The following TENM2 variants were observed in gnomAD, a reference collection of about 807,000 sequenced individuals.
TENM2 encodes teneurin transmembrane protein 2.
Under a neutral mutation model 245.2 loss-of-function variants are expected in TENM2, and 52 were observed. That is an observed-to-expected ratio of 0.21 (90% CI 0.17 to 0.27). The LOEUF (loss-of-function observed/expected upper bound fraction) is 0.27, where lower values mean the gene tolerates loss of function less well. Ranked by LOEUF, TENM2 falls within the 10% of genes least tolerant of loss-of-function variation. The pLI, the probability that TENM2 is intolerant of heterozygous loss-of-function variation, is 1.00. For missense variants in TENM2, 3,046 were observed against 3,666.8 expected, an observed-to-expected ratio of 0.83 and a Z score of 4.37; for synonymous variants, 1,363 against 1,438.9, an observed-to-expected ratio of 0.95 and a Z score of 1.19.
intron 2 of TENM2, among the ~76,000 whole-genome samples, chr5:167,519,108 A>G (rs562519963): frequency 5.3e-4 from 80 of 152,300 alleles, no homozygotes; most frequent in Non-Finnish European, 9.7e-4. Context: ...TACAGACCAT[A>G]GTAATTTCTC....
intron 2 of TENM2, among the ~76,000 whole-genome samples, chr5:167,379,480 T>G (rs1331068678): frequency 6.6e-6 from 1 of 152,172 alleles, no homozygotes; most frequent in East Asian, 1.9e-4. Context: ...TTTTTCTCCT[T>G]TCTCTCCAGA....
chr5:167,855,087 A>T (rs892660800), intron 2 of TENM2, among the ~76,000 whole-genome samples: 2 of 152,184 alleles, frequency 1.3e-5, no homozygotes, highest in Non-Finnish European at 2.9e-5. Flanking sequence ...AAGACCTTGC[A>T]GTGGCTTCTG....
intron 5 of TENM2, among the ~76,000 whole-genome samples, chr5:168,043,597 C>T (rs1050848537): frequency 6.6e-6 from 1 of 152,332 alleles, no homozygotes; most frequent in South Asian, 2.1e-4. Context: ...AATGCCATTT[C>T]CTAGTTTCCT....
At chr5:167,123,614 T>A in the TENM2 span, among the ~76,000 whole-genome samples, 1 of 152,202 alleles carries the variant, frequency 6.6e-6, no homozygotes, top group Non-Finnish European at 1.5e-5. Context: ...AGGATATGTT[T>A]AGGAAAACCC....
chr5:167,584,127 T>C (rs3095948), intron 2 of TENM2, among the ~76,000 whole-genome samples: 137,621 of 152,238 alleles, frequency 0.9, 62,300 homozygotes, highest in East Asian at 0.99. Flanking sequence ...TACAAGTCAT[T>C]CATGTTCTTG....
the TENM2 span, among the ~76,000 whole-genome samples, chr5:167,100,665 G>A: frequency 3.5e-3 from 536 of 152,102 alleles, 3 homozygotes; most frequent in African/African-American, 0.012. Flanking sequence ...CCTGGTGCCC[G>A]GGAAGCAAAT....
intron 2 of TENM2, among the ~76,000 whole-genome samples, chr5:167,420,424 C>T (rs569292063): frequency 2.0e-5 from 3 of 152,160 alleles, no homozygotes; most frequent in Admixed American, 2.0e-4. Flanking sequence ...GTGGAGTGGG[C>T]TTTACACCCT....
intron 2 of TENM2, among the ~76,000 whole-genome samples, chr5:167,419,761 A>G (rs2127420656): frequency 6.6e-6 from 1 of 152,304 alleles, no homozygotes; most frequent in East Asian, 1.9e-4. Context: ...TCTTCAGTAA[A>G]CCAAGAATAA....
chr5:167,776,161 C>CCACACACACACACACA (rs66740766), intron 2 of TENM2, among the ~76,000 whole-genome samples: 6,052 of 132,994 alleles, frequency 0.046, 264 homozygotes, highest in African/African-American at 0.11. Flanking sequence ...AAAAAAAAAT[C>CCACACACACACACACA]CACACACACA....
At chr5:167,686,811 G>A (rs1323892862) in intron 2 of TENM2, among the ~76,000 whole-genome samples, 1 of 152,140 alleles carries the variant, frequency 6.6e-6, no homozygotes, top group African/African-American at 2.4e-5. Context: ...ACACCTCAGG[G>A]GTTCCCTCAG....
intron 4 of TENM2, among the ~76,000 whole-genome samples, chr5:167,961,314 G>A (rs1780997683): frequency 6.6e-6 from 1 of 152,206 alleles, no homozygotes; most frequent in Non-Finnish European, 1.5e-5. Flanking sequence ...GAAGCTGACT[G>A]GCTGGCCAGG....
At chr5:167,289,962 T>G (rs1467889687) in intron 1 of TENM2, among the ~76,000 whole-genome samples, 1 of 152,232 alleles carries the variant, frequency 6.6e-6, no homozygotes, top group African/African-American at 2.4e-5. Flanking sequence ...TTCAAGAGTT[T>G]CTGTGGTCAG....
At chr5:167,298,781 G>C (rs1561844882) in intron 1 of TENM2, among the ~76,000 whole-genome samples, 1 of 152,226 alleles carries the variant, frequency 6.6e-6, no homozygotes, top group Non-Finnish European at 1.5e-5. Flanking sequence ...GTTAAGAGTG[G>C]CAGTTTGGGG....
intron 3 of TENM2, among the ~76,000 whole-genome samples, chr5:167,948,176 C>T (rs1034054662): frequency 6.6e-6 from 1 of 152,178 alleles, no homozygotes; most frequent in African/African-American, 2.4e-5. Context: ...GGAGTCAACA[C>T]AAAAGTTGAT....
At chr5:167,378,065 C>T (rs1414593509) in intron 2 of TENM2, among the ~76,000 whole-genome samples, 1 of 151,916 alleles carries the variant, frequency 6.6e-6, no homozygotes, top group Non-Finnish European at 1.5e-5. Context: ...AATTTCATTT[C>T]TTGGTGGGAT....
chr5:167,309,219 GAAAGAAC>G (rs774444685), intron 1 of TENM2, among the ~76,000 whole-genome samples: 5 of 152,136 alleles, frequency 3.3e-5, no homozygotes, highest in Non-Finnish European at 5.9e-5. Flanking sequence ...AAGAAGAATG[GAAAGAAC>G]AAAGATGGCC....
chr5:167,148,823 C>G, the TENM2 span, among the ~76,000 whole-genome samples: 1 of 151,918 alleles, frequency 6.6e-6, no homozygotes, highest in East Asian at 1.9e-4. Context: ...ATATTCTGGA[C>G]CATAGTATGT....
intron 2 of TENM2, among the ~76,000 whole-genome samples, chr5:167,380,373 G>A (rs1561909650): frequency 1.3e-5 from 2 of 152,130 alleles, no homozygotes; most frequent in Non-Finnish European, 2.9e-5. Flanking sequence ...TCTGCAAATG[G>A]ACTCGTATGA....
chr5:167,895,364 T>C (rs1483802665), intron 3 of TENM2, among the ~76,000 whole-genome samples: 2 of 152,232 alleles, frequency 1.3e-5, no homozygotes, highest in East Asian at 3.8e-4. Context: ...CCCTAGGCAC[T>C]GTACTAGGCA....
Sources: allele counts gnomAD v4.1 joint callset (sites outside exome capture counted in the v4.1 genomes callset), GRCh38; gene constraint gnomAD v4.1.1; transcripts MANE v1.5; gene names NCBI Gene and HGNC (gene_info 2026-07-23, HGNC 2026-07-21).